The following CLNK variants were observed in gnomAD, a reference collection of about 807,000 sequenced individuals.
The protein encoded by CLNK is cytokine dependent hematopoietic cell linker, also known as cytokine-dependent hematopoietic cell linker.
CLNK carries 74 observed loss-of-function variants against 68.6 expected under a neutral mutation model. That is an observed-to-expected ratio of 1.08 (90% CI 0.89 to 1.31). The LOEUF is 1.31. CLNK is among the 50% of genes most tolerant of loss of function. CLNK has a pLI of 0.00. For synonymous variants in CLNK, 198 were observed against 172.2 expected (o/e 1.15, Z -1.17); for missense variants, 553 against 515.3 (o/e 1.07, Z -0.71).
At chr4:10,590,403 C>T (rs1341853300) in intron 3 of CLNK, among the ~76,000 whole-genome samples, 4 of 152,158 alleles carry the variant, frequency 2.6e-5, no homozygotes, top group Admixed American at 2.6e-4. Flanking sequence ...ATTCCAGTCC[C>T]ATAGAGAGGG....
upstream of CLNK, among the ~76,000 whole-genome samples, chr4:10,686,253 G>T (rs569925811): frequency 2.6e-4 from 40 of 152,192 alleles, 2 homozygotes; most frequent in South Asian, 8.3e-3. Flanking sequence ...AGTGAATGAT[G>T]GCTCACCCTA....
At chr4:10,508,823 C>G (rs889490401) in intron 16 of CLNK, among the ~76,000 whole-genome samples, 15 of 146,666 alleles carry the variant, frequency 1.0e-4, no homozygotes, top group Non-Finnish European at 2.1e-4. Flanking sequence ...AAGTCAAAAT[C>G]TGGGCTGGGT....
At chr4:10,693,766 A>G in the CLNK span, among the ~76,000 whole-genome samples, 1 of 152,216 alleles carries the variant, frequency 6.6e-6, no homozygotes, top group East Asian at 1.9e-4. Context: ...AAGAGTACAC[A>G]TTTCTAGTTC....
chr4:10,524,458 C>T (rs558070867), intron 14 of CLNK, among the ~76,000 whole-genome samples: 1 of 152,330 alleles, frequency 6.6e-6, no homozygotes, highest in East Asian at 1.9e-4. Context: ...GTCAGGCAGC[C>T]TGGCTTCAGT....
intron 2 of CLNK, among the ~76,000 whole-genome samples, chr4:10,610,331 A>G (rs571578470): frequency 6.7e-6 from 1 of 148,402 alleles, no homozygotes; most frequent in African/African-American, 2.5e-5. Flanking sequence ...GGCGTGAGCC[A>G]CCGCGCCCGG....
At chr4:10,552,830 A>G (rs754509065) in intron 8 of CLNK, among the ~76,000 whole-genome samples, 3 of 152,184 alleles carry the variant, frequency 2.0e-5, no homozygotes, top group Non-Finnish European at 2.9e-5. Context: ...GGGCAGGAAG[A>G]ACCCCTCGGG....
At chr4:10,564,344 A>G (rs1720012118) in intron 7 of CLNK, among the ~76,000 whole-genome samples, 1 of 152,200 alleles carries the variant, frequency 6.6e-6, no homozygotes, top group Non-Finnish European at 1.5e-5. Context: ...ATCTTATATT[A>G]TGATCAGAAA....
chr4:10,537,742 T>TCTTTCTTTCTTTCTTC (rs1718855455), intron 11 of CLNK, among the ~76,000 whole-genome samples: 2 of 131,988 alleles, frequency 1.5e-5, no homozygotes, highest in African/African-American at 5.7e-5. Flanking sequence ...TTTCTTCCTT[T>TCTTTCTTTCTTTCTTC]CTTTTTCTTT....
intron 16 of CLNK, among the ~76,000 whole-genome samples, chr4:10,508,957 AT>A (rs1717443607): frequency 6.6e-6 from 1 of 152,110 alleles, no homozygotes; most frequent in African/African-American, 2.4e-5. Context: ...AACTACAAAA[AT>A]TAGCCGGGTG....
At chr4:10,504,950 G>C (rs1236166461) in intron 17 of CLNK, among the ~76,000 whole-genome samples, 1 of 152,194 alleles carries the variant, frequency 6.6e-6, no homozygotes, top group African/African-American at 2.4e-5. Context: ...CACACAGAAA[G>C]AGAGGAAGGG....
rs1259978559 is a variant in CLNK at position 10,505,440 on chromosome 4, C to G, written c.984+2519G>C. Among the ~76,000 whole-genome samples, 3 of 152,202 alleles carry G rather than the reference C, an allele frequency of 2.0e-5. No homozygotes were observed. In the East Asian group the frequency reaches 5.8e-4, roughly 29 times the overall value. ...ATTTATTCTGTGTATGTTCAAGATA[C>G]TTTGATAGCAATGGTATCATTTCCT... On this transcript the variant is annotated intron_variant, in intron 17 of 18. Coordinates refer to ENST00000226951, the MANE Select transcript of CLNK (RefSeq NM_052964.4).
chr4:10,670,285 A>G (rs989962924), intron 1 of CLNK, among the ~76,000 whole-genome samples: 1 of 152,240 alleles, frequency 6.6e-6, no homozygotes, highest in Non-Finnish European at 1.5e-5. Context: ...GTATTTATAG[A>G]GATTAAATTA....
At chr4:10,532,815 T>C (rs1031982007) in intron 11 of CLNK, among the ~76,000 whole-genome samples, 4 of 152,212 alleles carry the variant, frequency 2.6e-5, no homozygotes, top group African/African-American at 9.7e-5. Flanking sequence ...TTGAATAATA[T>C]GAATTTTGGA....
the CLNK span, among the ~76,000 whole-genome samples, chr4:10,691,228 G>T: frequency 6.6e-6 from 1 of 152,078 alleles, no homozygotes; most frequent in African/African-American, 2.4e-5. Context: ...TACATAATAT[G>T]TATAATATGG....
At chr4:10,584,690 G>A (rs1278422503) in intron 4 of CLNK, among the ~76,000 whole-genome samples, 5 of 152,172 alleles carry the variant, frequency 3.3e-5, no homozygotes, top group African/African-American at 7.2e-5. Flanking sequence ...TTCATGCAAA[G>A]CTGCACAGCT....
In CLNK at chr4:10,540,358, G is replaced by C. The variant is rs1718963975; in HGVS notation, c.602+136C>G. 3 of 637,030 alleles carry C rather than the reference G, an allele frequency of 4.7e-6. No homozygotes were observed. In the Admixed American group the frequency reaches 7.8e-5, roughly 17 times the overall value. The allele number at this position is 637,030 out of a possible 1,614,324, so 39.5% of individuals were successfully genotyped here. A position where few individuals can be genotyped will look rare whatever the true frequency, so the allele number is the denominator to read the frequency against. On this transcript the variant is annotated intron_variant, in intron 11 of 18. Transcript: ENST00000226951. Reference sequence around the variant, plus strand: ...TTATAAATTACCCAGTCTTGGTTATGTCTTTGAATGGACCAATACACTCCC... The same window carrying C: ...TTATAAATTACCCAGTCTTGGTTATCTCTTTGAATGGACCAATACACTCCC...
At chr4:10,507,884 G>C (rs924873256) in intron 17 of CLNK, 75 bp downstream of exon 17, 1 of 1,080,630 alleles carries the variant, frequency 9.3e-7, no homozygotes, top group Non-Finnish European at 1.4e-6. Context: ...TGCTTGTTAC[G>C]TCTTGTGACA....
At chr4:10,563,359 T>C (rs1166553309) in intron 7 of CLNK, among the ~76,000 whole-genome samples, 1 of 152,180 alleles carries the variant, frequency 6.6e-6, no homozygotes, top group African/African-American at 2.4e-5. Context: ...TCTGGGATGG[T>C]AAATGGAAAC....
At chr4:10,538,642 G>A (rs1038185578) in intron 11 of CLNK, among the ~76,000 whole-genome samples, 13 of 152,274 alleles carry the variant, frequency 8.5e-5, no homozygotes, top group Middle Eastern at 3.4e-3. Flanking sequence ...GAGCAAATCT[G>A]CTTACTCCTA....
Sources: allele counts gnomAD v4.1 joint callset (sites outside exome capture counted in the v4.1 genomes callset), GRCh38; gene constraint gnomAD v4.1.1; transcripts MANE v1.5; gene names NCBI Gene and HGNC (gene_info 2026-07-23, HGNC 2026-07-21).